The following MAST4 variants were observed in gnomAD, a reference collection of about 807,000 sequenced individuals.
MAST4 encodes the protein microtubule-associated serine/threonine-protein kinase 4.
A neutral mutation model predicts 162.7 loss-of-function variants in MAST4; 89 were observed. The ratio of observed to expected loss-of-function variants is 0.55; its 90% CI spans 0.46 to 0.65. MAST4 has a LOEUF of 0.65. Ranked by LOEUF, MAST4 falls within the 30% of genes least tolerant of loss-of-function variation. MAST4 has a pLI of 0.00. For synonymous variants in MAST4, 1,479 were observed against 1,361.1 expected (o/e 1.09, Z -1.91); for missense variants, 3,153 against 3,374.0 (o/e 0.93, Z 1.62).
intron 4 of MAST4, among the ~76,000 whole-genome samples, chr5:66,962,252 C>T (rs752550035): frequency 2.6e-5 from 4 of 152,020 alleles, no homozygotes; most frequent in Non-Finnish European, 5.9e-5. Flanking sequence ...GAGCCATCGT[C>T]CAGCGGAGAG....
intron 1 of MAST4, among the ~76,000 whole-genome samples, chr5:66,636,181 C>G (rs1261706075): frequency 6.6e-6 from 1 of 151,978 alleles, no homozygotes; most frequent in Non-Finnish European, 1.5e-5. Flanking sequence ...TGGTCTTGGT[C>G]TCTTGACCTT....
At chr5:66,733,929 C>T (rs1186640924) in intron 1 of MAST4, among the ~76,000 whole-genome samples, 3 of 152,138 alleles carry the variant, frequency 2.0e-5, no homozygotes, top group Admixed American at 6.5e-5. Flanking sequence ...TTGAAAGTTA[C>T]TGACATACAG....
chr5:66,925,255 T>G (rs1764813599), intron 4 of MAST4, among the ~76,000 whole-genome samples: 1 of 152,156 alleles, frequency 6.6e-6, no homozygotes, highest in African/African-American at 2.4e-5. Context: ...GAGAGCTAAG[T>G]GTTAGACAGT....
At chr5:66,817,624 A>G (rs2087703397) in intron 3 of MAST4, among the ~76,000 whole-genome samples, 1 of 152,218 alleles carries the variant, frequency 6.6e-6, no homozygotes, top group Admixed American at 6.5e-5. Flanking sequence ...AATGCAAATC[A>G]GTTAATATAC....
intron 3 of MAST4, among the ~76,000 whole-genome samples, chr5:66,849,088 T>C (rs781119707): frequency 7.2e-5 from 11 of 152,164 alleles, no homozygotes; most frequent in South Asian, 2.1e-4. Flanking sequence ...ATTAGGGGTG[T>C]CCTTGCTCTA....
chr5:66,967,565 C>G (rs186402455), intron 4 of MAST4, among the ~76,000 whole-genome samples: 1 of 151,666 alleles, frequency 6.6e-6, no homozygotes, highest in Non-Finnish European at 1.5e-5. Flanking sequence ...CTCATCAGAC[C>G]ATCAGGAAGG....
chr5:66,883,919 T>A (rs1262146825), intron 3 of MAST4, among the ~76,000 whole-genome samples: 1 of 152,242 alleles, frequency 6.6e-6, no homozygotes, highest in Admixed American at 6.5e-5. Flanking sequence ...TTGGATGCGT[T>A]GCTGCAATCT....
intron 3 of MAST4, among the ~76,000 whole-genome samples, chr5:66,823,772 G>A (rs946937678): frequency 6.6e-6 from 1 of 152,176 alleles, no homozygotes; most frequent in African/African-American, 2.4e-5. Flanking sequence ...TGGGATTACA[G>A]GTGTGAACCA....
chr5:66,699,765 G>T (rs1561271017), intron 1 of MAST4, among the ~76,000 whole-genome samples: 1 of 151,888 alleles, frequency 6.6e-6, no homozygotes, highest in Non-Finnish European at 1.5e-5. Context: ...TGTTGGTGGG[G>T]CGGGGGGGAA....
rs191524898 is a variant in MAST4, at chr5:67,164,753, G to A, written c.5574G>A (p.Glu1858=). ...GKKNDTTSAR[E]LSPSSLKMNK... The stretch of plus-strand genomic sequence containing the variant: ...AGAACGATACCACCAGTGCAAGAGA[G>A]CTTTCTCCTTCCAGCTTAAAGATGA... Residue 1858 remains glutamate (E), a synonymous_variant, in exon 29 of 29, where the codon GAG becomes GAA. Coordinates refer to ENST00000403625, the MANE Select transcript of MAST4 (RefSeq NM_001164664.2). This position sits in a 1 kb window ranked among gnomAD's most constrained non-coding sequence, Gnocchi z 5.3. 325 of 1,613,986 alleles carry A rather than the reference G, an allele frequency of 2.0e-4. No individual in the cohort carries two copies. In the African/African-American group the frequency reaches 4.0e-3, roughly 20 times the overall value.
At chr5:66,755,599 C>T (rs925448273) in intron 1 of MAST4, among the ~76,000 whole-genome samples, 9 of 152,006 alleles carry the variant, frequency 5.9e-5, no homozygotes, top group Admixed American at 2.6e-4. Context: ...AAAATTAGAT[C>T]GAGGCTTGTA....
At chr5:67,135,776 A>G (rs1198580022) in intron 18 of MAST4, among the ~76,000 whole-genome samples, 4 of 152,258 alleles carry the variant, frequency 2.6e-5, no homozygotes. Context: ...CTTACGGCTC[A>G]GATGCATATT....
chr5:66,762,815 A>C (rs958807760), intron 2 of MAST4, among the ~76,000 whole-genome samples: 1 of 152,262 alleles, frequency 6.6e-6, no homozygotes, highest in Non-Finnish European at 1.5e-5. Flanking sequence ...TGCTTTCCTT[A>C]AAACAAAGAT....
At chr5:66,791,764 C>T (rs1211069191) in intron 3 of MAST4, among the ~76,000 whole-genome samples, 1 of 152,076 alleles carries the variant, frequency 6.6e-6, no homozygotes, top group East Asian at 1.9e-4. Flanking sequence ...AAATTTAACC[C>T]TTATCTTTCC....
intron 1 of MAST4, among the ~76,000 whole-genome samples, chr5:66,621,283 A>G (rs1232064432): frequency 6.6e-6 from 1 of 152,252 alleles, no homozygotes; most frequent in East Asian, 1.9e-4. Context: ...AAGGCAACTT[A>G]AATGGCATGT....
chr5:66,964,015 A>G (rs1488308932), intron 4 of MAST4: 9 of 677,626 alleles, frequency 1.3e-5, no homozygotes, highest in Non-Finnish European at 1.9e-5. Context: ...TGTATATGTG[A>G]CAGTTTTTCA....
chr5:67,057,167 C>T (rs889290892), intron 5 of MAST4, among the ~76,000 whole-genome samples: 1 of 152,136 alleles, frequency 6.6e-6, no homozygotes, highest in Non-Finnish European at 1.5e-5. Context: ...CAGGACCAGG[C>T]CCCACATCCT....
intron 1 of MAST4, among the ~76,000 whole-genome samples, chr5:66,609,556 AT>A (rs1396540646): frequency 1.1e-3 from 156 of 143,748 alleles, no homozygotes; most frequent in Admixed American, 1.5e-3. Context: ...CGGCCAGCTA[AT>A]TTTTTTTTTT....
intron 5 of MAST4, among the ~76,000 whole-genome samples, chr5:67,071,081 A>G (rs1261317909): frequency 6.6e-6 from 1 of 152,210 alleles, no homozygotes; most frequent in Admixed American, 6.5e-5. Flanking sequence ...AATTAATGGA[A>G]CAAAGTCAAT....
Sources: allele counts gnomAD v4.1 joint callset (sites outside exome capture counted in the v4.1 genomes callset), GRCh38; gene constraint gnomAD v4.1.1; non-coding constraint Gnocchi (gnomAD v3.1); transcripts MANE v1.5; gene names NCBI Gene and HGNC (gene_info 2026-07-23, HGNC 2026-07-21).